Variants in LEKR1 observed in about 807,000 individuals in gnomAD.
The protein encoded by LEKR1 is leucine, glutamate and lysine rich 1, also known as protein LEKR1.
A neutral mutation model predicts 72.4 loss-of-function variants in LEKR1; 59 were observed. The ratio of observed to expected loss-of-function variants is 0.82; its 90% CI spans 0.66 to 1.01. The LOEUF (loss-of-function observed/expected upper bound fraction) is 1.01. Ranked by LOEUF, LEKR1 falls within the 50% of genes least tolerant of loss-of-function variation. The pLI, the probability that LEKR1 is intolerant of heterozygous loss-of-function variation, is 0.00. For synonymous variants in LEKR1, 257 were observed against 263.2 expected (o/e 0.98, Z 0.23); for missense variants, 728 against 759.2 (o/e 0.96, Z 0.48).
intron 6 of LEKR1, among the ~76,000 whole-genome samples, chr3:156,970,120 C>G (rs1409054621): frequency 6.6e-6 from 1 of 152,166 alleles, no homozygotes; most frequent in Non-Finnish European, 1.5e-5. Context: ...TGGGACATAT[C>G]TCAAAATAAT....
At chr3:156,947,790 T>C in intron 6 of LEKR1, among the ~76,000 whole-genome samples, 1 of 151,270 alleles carries the variant, frequency 6.6e-6, no homozygotes, top group East Asian at 1.9e-4. Flanking sequence ...TTGATTTGAA[T>C]ATGACTTATT....
In LEKR1 at chr3:157,045,953, G is replaced by A; in HGVS notation, c.*203G>A. 1.8e-6 allele frequency: 1 copy of A among 541,344 alleles called. No homozygotes were observed. The allele number at this position is 541,344 out of a possible 1,614,324, so 33.5% of individuals were successfully genotyped here. A position where few individuals can be genotyped will look rare whatever the true frequency, so the allele number is the denominator to read the frequency against. ...TCAAGAGGGTTTTGATAGAGTAACAGATCATTAAGTTGTTGGTATTCCAGA... is the reference window on the plus strand; with the variant it reads ...TCAAGAGGGTTTTGATAGAGTAACAAATCATTAAGTTGTTGGTATTCCAGA... On this transcript the variant is annotated 3_prime_UTR_variant, in exon 13 of 13. Transcript: ENST00000356539.
intron 12 of LEKR1, among the ~76,000 whole-genome samples, chr3:157,035,970 A>T (rs944502872): frequency 6.6e-6 from 1 of 152,204 alleles, no homozygotes; most frequent in Non-Finnish European, 1.5e-5. Context: ...GGCTATATCC[A>T]TGTTCAGTCT....
intron 7 of LEKR1, among the ~76,000 whole-genome samples, chr3:156,984,550 G>T (rs113908624): frequency 2.0e-5 from 3 of 152,080 alleles, no homozygotes; most frequent in African/African-American, 7.2e-5. Context: ...GGTGGCAGGT[G>T]CCTGTGGTCC....
At chr3:156,937,981 A>G (rs1323873765) in intron 5 of LEKR1, among the ~76,000 whole-genome samples, 1 of 151,814 alleles carries the variant, frequency 6.6e-6, no homozygotes, top group Non-Finnish European at 1.5e-5. Context: ...AGTGTAGATA[A>G]CAGATTAGTG....
intron 7 of LEKR1, among the ~76,000 whole-genome samples, chr3:156,990,005 A>G (rs1420557834): frequency 6.6e-6 from 1 of 152,152 alleles, no homozygotes; most frequent in African/African-American, 2.4e-5. Flanking sequence ...TGACCTAATG[A>G]TATCTTTTAT....
At chr3:156,983,932 G>C (rs987204572) in intron 7 of LEKR1, among the ~76,000 whole-genome samples, 1 of 151,538 alleles carries the variant, frequency 6.6e-6, no homozygotes, top group Admixed American at 6.6e-5. Context: ...CTCCCCCCAA[G>C]TCCCCCCAAA....
At chr3:156,906,565 G>A (rs1722555945) in intron 3 of LEKR1, among the ~76,000 whole-genome samples, 2 of 152,160 alleles carry the variant, frequency 1.3e-5, no homozygotes, top group Admixed American at 6.6e-5. Flanking sequence ...AGAAAACTGT[G>A]TGCTAGCACA....
intron 3 of LEKR1, among the ~76,000 whole-genome samples, chr3:156,909,147 C>T (rs1722857913): frequency 6.6e-6 from 1 of 152,176 alleles, no homozygotes; most frequent in South Asian, 2.1e-4. Context: ...TCATCTTCCA[C>T]TATGATTGTG....
intron 6 of LEKR1, among the ~76,000 whole-genome samples, chr3:156,978,663 T>C (rs1729911199): frequency 6.6e-6 from 1 of 152,150 alleles, no homozygotes; most frequent in African/African-American, 2.4e-5. Flanking sequence ...GGAAGCCAGT[T>C]TCCTGCTTGT....
At chr3:156,844,861 A>T (rs904595062) in intron 2 of LEKR1, among the ~76,000 whole-genome samples, 1 of 151,224 alleles carries the variant, frequency 6.6e-6, no homozygotes, top group Non-Finnish European at 1.5e-5. Context: ...TTTTCCTGGG[A>T]TAAATGGCCA....
chr3:157,008,434 T>G (rs940265031), intron 9 of LEKR1, among the ~76,000 whole-genome samples: 1 of 152,252 alleles, frequency 6.6e-6, no homozygotes, highest in Non-Finnish European at 1.5e-5. Flanking sequence ...ATTGAAGGTT[T>G]GTATATGTAT....
chr3:156,920,413 A>G (rs532110107), intron 3 of LEKR1, among the ~76,000 whole-genome samples, 162 bp from the exon 4 acceptor site: 1 of 152,250 alleles, frequency 6.6e-6, no homozygotes, highest in African/African-American at 2.4e-5. Context: ...TTGGTGCCCA[A>G]GATTTGGTCT....
chr3:156,874,541 CTT>C (rs35305371), intron 3 of LEKR1, among the ~76,000 whole-genome samples: 1 of 150,472 alleles, frequency 6.6e-6, no homozygotes, highest in Non-Finnish European at 1.5e-5. Context: ...TTTTAAAAAA[CTT>C]TTTTTTTTCC....
chr3:156,973,266 G>A (rs540012417), intron 6 of LEKR1, among the ~76,000 whole-genome samples: 1 of 152,152 alleles, frequency 6.6e-6, no homozygotes, highest in Non-Finnish European at 1.5e-5. Context: ...TTACATTCTA[G>A]TAAGTTTACA....
intron 2 of LEKR1, among the ~76,000 whole-genome samples, chr3:156,849,646 A>C (rs952140659): frequency 9.8e-5 from 15 of 152,352 alleles, no homozygotes; most frequent in Admixed American, 2.6e-4. Context: ...TGACAAAAAC[A>C]AGAAATGGGG....
chr3:156,919,345 T>C (rs1340874540), intron 3 of LEKR1, among the ~76,000 whole-genome samples: 2 of 148,576 alleles, frequency 1.3e-5, no homozygotes, highest in Non-Finnish European at 3.0e-5. Context: ...GTTTAAGGTC[T>C]ACTTTGTATT....
intron 6 of LEKR1, among the ~76,000 whole-genome samples, chr3:156,965,045 T>C (rs901236609): frequency 1.3e-5 from 2 of 152,162 alleles, no homozygotes; most frequent in African/African-American, 2.4e-5. Flanking sequence ...TTATAACTTA[T>C]AAATACATGT....
chr3:156,879,295 A>G (rs1432085266), intron 3 of LEKR1, among the ~76,000 whole-genome samples: 1 of 152,208 alleles, frequency 6.6e-6, no homozygotes, highest in Non-Finnish European at 1.5e-5. Flanking sequence ...GAACTGGAGT[A>G]AAGGTTATTC....
Sources: allele counts gnomAD v4.1 joint callset (sites outside exome capture counted in the v4.1 genomes callset), GRCh38; gene constraint gnomAD v4.1.1; transcripts MANE v1.5; gene names NCBI Gene and HGNC (gene_info 2026-07-23, HGNC 2026-07-21).